SPC25: variants seen among roughly 807,000 people sequenced by gnomAD.
The protein encoded by SPC25 is SPC25 component of NDC80 kinetochore complex, also known as kinetochore protein Spc25.
A neutral mutation model predicts 29.6 loss-of-function variants in SPC25; 22 were observed. The ratio of observed to expected loss-of-function variants is 0.74; its 90% confidence interval spans 0.53 to 1.06. SPC25 has a LOEUF of 1.06. Ranked by LOEUF, SPC25 falls within the 50% of genes least tolerant of loss-of-function variation. The pLI is 0.00. For missense variants in SPC25, 230 were observed against 255.8 expected, an observed-to-expected ratio of 0.90 and a Z score of 0.69; for synonymous variants, 91 against 90.4, an observed-to-expected ratio of 1.01 and a Z score of -0.04.
chr2:168,874,823 C>G (rs504393), intron 5 of SPC25, among the ~76,000 whole-genome samples: 133,143 of 152,132 alleles, frequency 0.88, 58,470 homozygotes, highest in African/African-American at 0.96. Flanking sequence ...ACTGGGTTAG[C>G]ACTCTTGAAA....
chr2:168,868,853 C>T (rs984042929), downstream of SPC25, among the ~76,000 whole-genome samples: 27 of 151,540 alleles, frequency 1.8e-4, no homozygotes, highest in African/African-American at 5.8e-4. Flanking sequence ...CTAACTCATT[C>T]TATGAGGCCA....
At chr2:168,876,695 A>T (rs904666826) in intron 4 of SPC25, among the ~76,000 whole-genome samples, 2 of 151,344 alleles carry the variant, frequency 1.3e-5, no homozygotes, top group African/African-American at 2.4e-5. Flanking sequence ...TTCACAATTT[A>T]GACTTGGATA....
downstream of SPC25, among the ~76,000 whole-genome samples, chr2:168,866,632 CTAAT>C (rs1257614560): frequency 6.6e-6 from 1 of 152,082 alleles, no homozygotes; most frequent in African/African-American, 2.4e-5. Context: ...CAAATGGGAT[CTAAT>C]TAAACTAAAG....
At chr2:168,880,601 T>C (rs1690162363) in intron 3 of SPC25, among the ~76,000 whole-genome samples, 1 of 152,248 alleles carries the variant, frequency 6.6e-6, no homozygotes, top group African/African-American at 2.4e-5. Flanking sequence ...CTTTTGCTAA[T>C]TGGCGCAAGA....
downstream of SPC25, among the ~76,000 whole-genome samples, chr2:168,867,278 A>C (rs539033842): frequency 6.6e-6 from 1 of 152,306 alleles, no homozygotes; most frequent in South Asian, 2.1e-4. Context: ...ACACTGCAAA[A>C]ACATGCCAAA....
chr2:168,878,019 T>C (rs905025429), intron 3 of SPC25, among the ~76,000 whole-genome samples: 8 of 152,166 alleles, frequency 5.3e-5, no homozygotes, highest in African/African-American at 1.7e-4. Context: ...CTCTAGAAGA[T>C]GGTTTTAAAC....
chr2:168,868,495 T>C (rs1466162373), downstream of SPC25, among the ~76,000 whole-genome samples: 1 of 151,922 alleles, frequency 6.6e-6, no homozygotes, highest in Admixed American at 6.6e-5. Context: ...AAGAATCAAA[T>C]AGACGCAATA....
chr2:168,868,852 T>G (rs952612781), downstream of SPC25, among the ~76,000 whole-genome samples: 25 of 152,278 alleles, frequency 1.6e-4, no homozygotes, highest in African/African-American at 5.5e-4. Flanking sequence ...CCTAACTCAT[T>G]CTATGAGGCC....
chr2:168,865,045 T>C, intron 4 of SPC25: 1 of 1,503,422 alleles, frequency 6.7e-7, no homozygotes, highest in Non-Finnish European at 9.1e-7. Context: ...AATAAAGTGC[T>C]CTTACCTTTA....
At chr2:168,876,450 A>T (rs1379406222) in intron 4 of SPC25, among the ~76,000 whole-genome samples, 1 of 152,048 alleles carries the variant, frequency 6.6e-6, no homozygotes, top group Non-Finnish European at 1.5e-5. Context: ...TAGGCCAGGG[A>T]TTTGTATGGC....
chr2:168,872,648 T>C (rs905594813), intron 6 of SPC25, among the ~76,000 whole-genome samples: 4 of 152,198 alleles, frequency 2.6e-5, no homozygotes, highest in African/African-American at 9.6e-5. Flanking sequence ...TATACTATCA[T>C]GTACTATCAG....
downstream of SPC25, among the ~76,000 whole-genome samples, chr2:168,867,653 T>C (rs1297437421): frequency 1.3e-5 from 2 of 152,246 alleles, no homozygotes; most frequent in Admixed American, 6.5e-5. Flanking sequence ...CATTACATAA[T>C]GGTAAAGGGA....
intron 3 of SPC25, among the ~76,000 whole-genome samples, chr2:168,883,927 C>T (rs537642686): frequency 6.6e-5 from 10 of 152,192 alleles, no homozygotes; most frequent in African/African-American, 1.7e-4. Flanking sequence ...CTCACCACCA[C>T]GCCCAGCTAA....
chr2:168,882,043 A>T (rs1377194217), intron 3 of SPC25, among the ~76,000 whole-genome samples: 1 of 152,244 alleles, frequency 6.6e-6, no homozygotes, highest in African/African-American at 2.4e-5. Flanking sequence ...AAAAAACTGC[A>T]AAGCTTGTCT....
chr2:168,863,675 TGA>T, intron 4 of SPC25: 1 of 983,654 alleles, frequency 1.0e-6, no homozygotes, highest in Non-Finnish European at 1.2e-6. Context: ...AAGCTGTGAG[TGA>T]GTTAAACTTT....
chr2:168,884,162 C>A lies in SPC25; in HGVS notation c.199+5064G>T, dbSNP rs550848523. Among the ~76,000 whole-genome samples the A allele has an allele frequency of 4.6e-5, 7 of 152,280 alleles. No homozygotes were observed. In the East Asian group the frequency reaches 1.4e-3, roughly 29 times the overall value. On this transcript the variant is annotated intron_variant, in intron 3 of 6. Transcript: ENST00000282074. Reference sequence around the variant, plus strand: ...TTCACTCCTACACACCAGAGGAACCCTTCTTTGCATTTTCACTCCAATGCA... The same window carrying A: ...TTCACTCCTACACACCAGAGGAACCATTCTTTGCATTTTCACTCCAATGCA...
At chr2:168,875,390 G>T (rs1690067241) in intron 5 of SPC25, among the ~76,000 whole-genome samples, 1 of 152,134 alleles carries the variant, frequency 6.6e-6, no homozygotes, top group African/African-American at 2.4e-5. Context: ...GTCAGGGACT[G>T]TCCATACTAT....
chr2:168,879,418 A>G (rs1690138304), intron 3 of SPC25, among the ~76,000 whole-genome samples: 1 of 152,174 alleles, frequency 6.6e-6, no homozygotes, highest in African/African-American at 2.4e-5. Context: ...CCATAAAACC[A>G]CTTTCTTTGC....
intron 3 of SPC25, among the ~76,000 whole-genome samples, chr2:168,884,228 T>G (rs927697980): frequency 2.6e-5 from 4 of 152,204 alleles, no homozygotes; most frequent in Admixed American, 2.6e-4. Flanking sequence ...ACACTATCAT[T>G]GTGATCCTAG....
Sources: allele counts gnomAD v4.1 joint callset (sites outside exome capture counted in the v4.1 genomes callset), GRCh38; gene constraint gnomAD v4.1.1; transcripts MANE v1.5; gene names NCBI Gene and HGNC (gene_info 2026-07-23, HGNC 2026-07-21).